The following FTCDNL1 variants were observed in gnomAD, a reference collection of about 807,000 sequenced individuals.
FTCDNL1 encodes the protein formiminotransferase cyclodeaminase N-terminal like, also known as formiminotransferase N-terminal subdomain-containing protein.
In FTCDNL1, 11 loss-of-function variants were observed where a neutral mutation model predicts 5.9. The observed-to-expected ratio is 1.87, with a 90% CI of 1.18 to 3.10. The LOEUF is 3.10. FTCDNL1 is among the 30% of genes most tolerant of loss of function. FTCDNL1 has a pLI of 0.00. For synonymous variants in FTCDNL1, 58 were observed against 24.8 expected, an observed-to-expected ratio of 2.34 and a Z score of -3.99; for missense variants, 115 against 65.5, an observed-to-expected ratio of 1.76 and a Z score of -2.61.
the FTCDNL1 span, among the ~76,000 whole-genome samples, chr2:199,729,952 T>C: frequency 6.6e-6 from 1 of 152,116 alleles, no homozygotes; most frequent in Non-Finnish European, 1.5e-5. Context: ...CCTCAAACTA[T>C]ACTACCAGGC....
the FTCDNL1 span, among the ~76,000 whole-genome samples, chr2:199,677,822 T>G: frequency 6.6e-6 from 1 of 152,250 alleles, no homozygotes; most frequent in South Asian, 2.1e-4. Context: ...TTCAACTCTG[T>G]TTATATCACT....
the FTCDNL1 span, among the ~76,000 whole-genome samples, chr2:199,714,086 A>C: frequency 6.6e-6 from 1 of 152,214 alleles, no homozygotes; most frequent in Non-Finnish European, 1.5e-5. Flanking sequence ...CTGAAGGAAA[A>C]CTATTTTGAA....
chr2:199,689,167 T>C, the FTCDNL1 span, among the ~76,000 whole-genome samples: 2 of 152,192 alleles, frequency 1.3e-5, no homozygotes, highest in African/African-American at 4.8e-5. Flanking sequence ...GATATGACAA[T>C]GTTCAAAACA....
the FTCDNL1 span, among the ~76,000 whole-genome samples, chr2:199,690,851 T>C: frequency 6.6e-6 from 1 of 152,218 alleles, no homozygotes; most frequent in Non-Finnish European, 1.5e-5. Flanking sequence ...TGAGTTATGC[T>C]TCAGGTTCAT....
At chr2:199,730,025 C>A in the FTCDNL1 span, among the ~76,000 whole-genome samples, 2 of 152,092 alleles carry the variant, frequency 1.3e-5, no homozygotes, top group Non-Finnish European at 2.9e-5. Context: ...TGGAACAGAA[C>A]AGAGGCCTCA....
chr2:199,770,617 T>C (rs1698762111), intron 3 of FTCDNL1, among the ~76,000 whole-genome samples: 1 of 152,246 alleles, frequency 6.6e-6, no homozygotes, highest in Admixed American at 6.5e-5. Context: ...TAGTTATTCA[T>C]GCATTATCCT....
chr2:199,806,750 TC>T (rs1352867945), downstream of FTCDNL1, among the ~76,000 whole-genome samples: 1 of 151,660 alleles, frequency 6.6e-6, no homozygotes, highest in African/African-American at 2.4e-5. Flanking sequence ...CAATGACAAC[TC>T]CCCCTCTCCC....
At chr2:199,803,517 T>C (rs1332992645) in intron 3 of FTCDNL1, among the ~76,000 whole-genome samples, 1 of 152,174 alleles carries the variant, frequency 6.6e-6, no homozygotes, top group African/African-American at 2.4e-5. Flanking sequence ...TCACCGAGGA[T>C]AGAATGGCAA....
chr2:199,819,561 A>T lies in FTCDNL1; in HGVS notation c.397+11T>A, dbSNP rs998898006. ...AAAAAAACAGAGCAAAGCAAAAACC[A>T]TGCTCAGAACCTGTTAAACCACATC... On this transcript the variant is annotated intron_variant, in intron 4 of 4. Coordinates refer to ENST00000420128, the MANE Select transcript of FTCDNL1 (RefSeq NM_001363886.2). 2 of 699,418 alleles carry T rather than the reference A, an allele frequency of 2.9e-6. No homozygotes were observed. Among genetic ancestry groups the T allele is most frequent in the Non-Finnish European group, 5.2e-6 (2 of 384,098 alleles). 43.3% of individuals were successfully genotyped at this position (699,418 alleles called of 1,614,324 possible). A position where few individuals can be genotyped will look rare whatever the true frequency, so the allele number is the denominator to read the frequency against.
chr2:199,756,455 A>G (rs1698076297), downstream of FTCDNL1, among the ~76,000 whole-genome samples: 1 of 152,150 alleles, frequency 6.6e-6, no homozygotes, highest in Admixed American at 6.5e-5. Context: ...TTTGAGCCTC[A>G]ATTTCCTCAA....
chr2:199,759,297 GT>G (rs370554186), downstream of FTCDNL1, among the ~76,000 whole-genome samples: 219 of 141,888 alleles, frequency 1.5e-3, 3 homozygotes, highest in Middle Eastern at 0.021. Flanking sequence ...ATCATTTGTT[GT>G]TTTTTTTTTT....
the FTCDNL1 span, among the ~76,000 whole-genome samples, chr2:199,727,577 T>C: frequency 1 from 151,959 of 152,290 alleles, 75,817 homozygotes; most frequent in Middle Eastern, 1. Context: ...TTTCCTCACT[T>C]TCCGTGGGTT....
chr2:199,757,883 C>T (rs546896543), downstream of FTCDNL1, among the ~76,000 whole-genome samples: 4 of 152,320 alleles, frequency 2.6e-5, no homozygotes, highest in Non-Finnish European at 5.9e-5. Context: ...CAGGAGCTTA[C>T]AGAAATTCCT....
intron 3 of FTCDNL1, among the ~76,000 whole-genome samples, chr2:199,766,117 ACCT>A (rs1204126713): frequency 3.9e-5 from 6 of 152,140 alleles, no homozygotes; most frequent in South Asian, 2.1e-4. Flanking sequence ...CAGTGTGAAA[ACCT>A]CCTTAAAATG....
At chr2:199,747,662 G>A in the FTCDNL1 span, among the ~76,000 whole-genome samples, 2 of 151,942 alleles carry the variant, frequency 1.3e-5, no homozygotes, top group Non-Finnish European at 2.9e-5. Context: ...AGGCCAGCTC[G>A]CATCGTTTAT....
the FTCDNL1 span, among the ~76,000 whole-genome samples, chr2:199,731,400 C>A: frequency 1.3e-5 from 2 of 152,050 alleles, no homozygotes; most frequent in Non-Finnish European, 2.9e-5. Flanking sequence ...AATGACCAAC[C>A]TAATTGAGAG....
chr2:199,665,387 T>C, the FTCDNL1 span, among the ~76,000 whole-genome samples: 4 of 152,042 alleles, frequency 2.6e-5, no homozygotes, highest in African/African-American at 9.7e-5. Context: ...ATACCAGCAT[T>C]TTGACAGGCC....
At chr2:199,672,806 G>C in the FTCDNL1 span, among the ~76,000 whole-genome samples, 1 of 152,086 alleles carries the variant, frequency 6.6e-6, no homozygotes, top group Non-Finnish European at 1.5e-5. Flanking sequence ...CTAAGAGATA[G>C]AGTCAGGCAG....
At chr2:199,741,220 G>C in the FTCDNL1 span, among the ~76,000 whole-genome samples, 1 of 152,202 alleles carries the variant, frequency 6.6e-6, no homozygotes. Context: ...ACGCTGCCGT[G>C]AGCTATGATC....
Sources: gnomAD v4.1 joint callset for allele counts (sites outside exome capture counted in the v4.1 genomes callset) on GRCh38, gnomAD v4.1.1 for gene constraint, MANE v1.5 for transcripts, NCBI Gene and HGNC (gene_info 2026-07-23, HGNC 2026-07-21) for gene names.